Variants in ANO3 observed in about 807,000 individuals in gnomAD.
The protein encoded by ANO3 is anoctamin 3.
ANO3 carries 99 observed loss-of-function variants against 144.8 expected under a neutral mutation model. That is an observed-to-expected ratio of 0.68 (90% CI 0.58 to 0.81). ANO3 has a LOEUF of 0.81. Ranked by LOEUF, ANO3 falls within the 30% of genes least tolerant of loss-of-function variation. The probability of loss-of-function intolerance (pLI) is 0.00; values close to 1 mark genes in which losing one functional copy is unlikely to be tolerated. For synonymous variants in ANO3, 414 were observed against 392.6 expected, an observed-to-expected ratio of 1.05 and a Z score of -0.64; for missense variants, 905 against 1,202.2, an observed-to-expected ratio of 0.75 and a Z score of 3.66.
chr11:26,379,972 C>T (rs1856545404), intron 1 of ANO3, among the ~76,000 whole-genome samples: 1 of 152,070 alleles, frequency 6.6e-6, no homozygotes, highest in Admixed American at 6.6e-5. Flanking sequence ...TCAGTTAATC[C>T]TGTTTATGTC....
chr11:26,331,974 C>G (rs1239190639), upstream of ANO3: 3 of 604,528 alleles, frequency 5.0e-6, no homozygotes, highest in Non-Finnish European at 8.3e-6. Context: ...TCTTCTGCTC[C>G]CACTCCCAGC....
At chr11:26,541,365 A>C (rs1386968759) in intron 10 of ANO3, among the ~76,000 whole-genome samples, 2 of 152,154 alleles carry the variant, frequency 1.3e-5, no homozygotes, top group African/African-American at 4.8e-5. Context: ...TGCAGGGTGC[A>C]GCAAACTACC....
intron 2 of ANO3, among the ~76,000 whole-genome samples, chr11:26,443,322 C>A (rs1052152076): frequency 9.9e-5 from 15 of 151,996 alleles, no homozygotes; most frequent in African/African-American, 3.6e-4. Context: ...AAATTTTAGG[C>A]CAGGCATGAT....
intron 26 of ANO3, among the ~76,000 whole-genome samples, chr11:26,659,584 C>T (rs565987136): frequency 6.4e-4 from 98 of 152,048 alleles, no homozygotes; most frequent in African/African-American, 2.2e-3. Context: ...GTACTCCCAG[C>T]TACTTGGGAG....
chr11:26,601,634 G>A (rs1851802818), intron 17 of ANO3, among the ~76,000 whole-genome samples: 1 of 152,216 alleles, frequency 6.6e-6, no homozygotes, highest in Non-Finnish European at 1.5e-5. Context: ...ATTGATGGAA[G>A]AGCCATTTTC....
At chr11:26,542,477 C>T (rs1849671420) in intron 11 of ANO3, among the ~76,000 whole-genome samples, 1 of 151,944 alleles carries the variant, frequency 6.6e-6, no homozygotes, top group African/African-American at 2.4e-5. Context: ...TTCCTTCTAC[C>T]TTTGAGTGGT....
In ANO3 at chr11:26,436,122, G is replaced by C. The variant is rs76280334; in HGVS notation, c.47-5796G>C. On this transcript the variant is annotated intron_variant, in intron 1 of 26. Transcript: ENST00000256737. ...AGGCAGTCCTGTTCAGTGAGGAGAA[G>C]CGAGGACTGGGATCTGCGTTGAGAA... 1.1e-3 allele frequency among the ~76,000 whole-genome samples: 160 copies of C among 152,292 alleles called. 1 individual carries two copies. Among genetic ancestry groups the C allele is most frequent in the African/African-American group, 3.7e-3 (155 of 41,564 alleles).
chr11:26,476,748 A>G (rs1312962447), intron 4 of ANO3, among the ~76,000 whole-genome samples: 1 of 152,112 alleles, frequency 6.6e-6, no homozygotes, highest in Non-Finnish European at 1.5e-5. Context: ...TATATCAGAC[A>G]GTTTCCCATA....
At chr11:26,545,727 A>C (rs867632097) in intron 11 of ANO3, among the ~76,000 whole-genome samples, 6 of 142,142 alleles carry the variant, frequency 4.2e-5, no homozygotes, top group African/African-American at 7.7e-5. Flanking sequence ...AAAAAAAAAA[A>C]CAGATAAAAA....
chr11:26,495,378 G>C (rs1860893285), intron 4 of ANO3, among the ~76,000 whole-genome samples: 1 of 151,372 alleles, frequency 6.6e-6, no homozygotes, highest in South Asian at 2.1e-4. Flanking sequence ...CAAATTGCTG[G>C]TATTACAGGC....
chr11:26,357,627 C>T (rs904311203), intron 1 of ANO3, among the ~76,000 whole-genome samples: 3 of 151,852 alleles, frequency 2.0e-5, no homozygotes, highest in Non-Finnish European at 4.4e-5. Context: ...AATCCTTTCT[C>T]CCAGTCTGTA....
At chr11:26,618,972 C>T (rs1283218953) in intron 17 of ANO3, among the ~76,000 whole-genome samples, 1 of 152,134 alleles carries the variant, frequency 6.6e-6, no homozygotes, top group Non-Finnish European at 1.5e-5. Context: ...CAATCAGATT[C>T]TTCTGAAGAA....
At chr11:26,232,537 AT>A (rs1852424167) in intron 1 of ANO3, among the ~76,000 whole-genome samples, 1 of 152,166 alleles carries the variant, frequency 6.6e-6, no homozygotes, top group Non-Finnish European at 1.5e-5. Flanking sequence ...TAGGGAAAGG[AT>A]TCCCTATTTA....
At chr11:26,622,997 CACTT>C (rs1293841434) in intron 17 of ANO3, among the ~76,000 whole-genome samples, 53 of 152,166 alleles carry the variant, frequency 3.5e-4, no homozygotes, top group Non-Finnish European at 5.4e-4. Flanking sequence ...ATGATTATCT[CACTT>C]AATAAATAAG....
At chr11:26,539,639 C>T (rs1849596434) in intron 10 of ANO3, among the ~76,000 whole-genome samples, 2 of 152,082 alleles carry the variant, frequency 1.3e-5, no homozygotes, top group African/African-American at 2.4e-5. Flanking sequence ...CCTTGAGGCA[C>T]CTGTGAGCCA....
At chr11:26,596,171 A>G (rs1330213465) in intron 14 of ANO3, among the ~76,000 whole-genome samples, 2 of 128,210 alleles carry the variant, frequency 1.6e-5, no homozygotes, top group Admixed American at 7.4e-5. Flanking sequence ...TACTATTTCT[A>G]TCTTTCTCTT....
At chr11:26,540,092 C>T (rs1849607014) in intron 10 of ANO3, among the ~76,000 whole-genome samples, 1 of 151,978 alleles carries the variant, frequency 6.6e-6, no homozygotes, top group Non-Finnish European at 1.5e-5. Flanking sequence ...CTCTATAAGG[C>T]ATATCATATA....
chr11:26,271,150 C>T (rs1290298568), intron 1 of ANO3, among the ~76,000 whole-genome samples: 2 of 152,180 alleles, frequency 1.3e-5, no homozygotes, highest in Non-Finnish European at 2.9e-5. Flanking sequence ...AGTGACAGAT[C>T]GTTTTCAAGA....
At chr11:26,391,748 G>A (rs10497404) in intron 1 of ANO3, among the ~76,000 whole-genome samples, 21,801 of 151,920 alleles carry the variant, frequency 0.14, 1,691 homozygotes, top group South Asian at 0.27. Flanking sequence ...CCATCTTTGA[G>A]AGACCCTATC....
Sources: gnomAD v4.1 joint callset for allele counts (sites outside exome capture counted in the v4.1 genomes callset) on GRCh38, gnomAD v4.1.1 for gene constraint, MANE v1.5 for transcripts, NCBI Gene and HGNC (gene_info 2026-07-23, HGNC 2026-07-21) for gene names.